The following FAM185A variants were observed in gnomAD, a reference collection of about 807,000 sequenced individuals.
FAM185A encodes the protein family with sequence similarity 185 member A.
Under a neutral mutation model 45.7 loss-of-function variants are expected in FAM185A, and 21 were observed. The observed-to-expected ratio is 0.46, with a 90% CI of 0.33 to 0.66. The LOEUF (loss-of-function observed/expected upper bound fraction) is 0.66. Among genes scored for constraint, FAM185A ranks in the 30% least tolerant of loss-of-function variants. The pLI, the probability that FAM185A is intolerant of heterozygous loss-of-function variation, is 0.03. For synonymous variants in FAM185A, 117 were observed against 194.0 expected (o/e 0.60, Z 3.30); for missense variants, 305 against 485.4 (o/e 0.63, Z 3.49).
intron 6 of FAM185A, among the ~76,000 whole-genome samples, chr7:102,778,926 A>G (rs1795238270): frequency 6.6e-6 from 1 of 152,206 alleles, no homozygotes; most frequent in South Asian, 2.1e-4. Context: ...CAGCCACTGG[A>G]GTCTCTTAGG....
chr7:102,840,325 A>G, the FAM185A span, among the ~76,000 whole-genome samples: 85 of 152,360 alleles, frequency 5.6e-4, no homozygotes, highest in Non-Finnish European at 1.0e-3. Flanking sequence ...TGGCAATCAG[A>G]TATTTTTCTT....
At chr7:102,849,726 T>C in the FAM185A span, among the ~76,000 whole-genome samples, 2 of 152,182 alleles carry the variant, frequency 1.3e-5, no homozygotes, top group Admixed American at 6.5e-5. Context: ...GACTTAATAA[T>C]TGGGCTGGAG....
chr7:102,788,135 T>G (rs1584338907), intron 7 of FAM185A, among the ~76,000 whole-genome samples: 2 of 152,242 alleles, frequency 1.3e-5, no homozygotes, highest in South Asian at 4.1e-4. Context: ...CGGCTAATTT[T>G]TTTTTGTATT....
the FAM185A span, among the ~76,000 whole-genome samples, chr7:102,829,788 T>C: frequency 3.3e-5 from 5 of 152,172 alleles, no homozygotes; most frequent in Non-Finnish European, 7.4e-5. Context: ...TGTGGACTTT[T>C]GGGAAACCTG....
At chr7:102,836,276 T>C in the FAM185A span, among the ~76,000 whole-genome samples, 2 of 152,292 alleles carry the variant, frequency 1.3e-5, no homozygotes, top group African/African-American at 4.8e-5. Flanking sequence ...GGCACAAAAA[T>C]TGGTCTAAGG....
the FAM185A span, chr7:102,822,471 T>C: frequency 1.7e-6 from 1 of 582,490 alleles, no homozygotes; most frequent in Non-Finnish European, 3.2e-6. Context: ...GAGAGAGCTC[T>C]AGTCTTTGTC....
rs1238282631 is a variant in FAM185A at position 102,784,952 on chromosome 7, A to G, written c.932-2383A>G. On this transcript the variant is annotated intron_variant, in intron 6 of 7. Transcript: ENST00000413034. ...GAAAACCCCATCGTCTCAGCCCAAA[A>G]TCTCCTTAAGCTGATAGGCAACTTC... Among the ~76,000 whole-genome samples the G allele has an allele frequency of 2.6e-5, 4 of 152,304 alleles. No homozygotes were observed. The East Asian group carries it at 7.7e-4, about 29-fold the overall frequency.
intron 7 of FAM185A, among the ~76,000 whole-genome samples, chr7:102,807,828 G>C (rs1797218711): frequency 6.6e-6 from 1 of 152,124 alleles, no homozygotes; most frequent in African/African-American, 2.4e-5. Flanking sequence ...GGAGGCCAAG[G>C]TGGGTGGATC....
At chr7:102,781,739 A>G (rs1372184618) in intron 6 of FAM185A, among the ~76,000 whole-genome samples, 1 of 152,356 alleles carries the variant, frequency 6.6e-6, no homozygotes, top group Admixed American at 6.5e-5. Flanking sequence ...GAAACTCTCA[A>G]AATCAGAGCA....
chr7:102,757,960 T>C lies in FAM185A; in HGVS notation c.654+14T>C. 1.3e-6 allele frequency: 2 copies of C among 1,496,056 alleles called. No individual in the cohort carries two copies. The highest frequency in any genetic ancestry group is 1.8e-6 in the Non-Finnish European group (2 of 1,122,080). The allele number at this position is 1,496,056 out of a possible 1,614,324, so 92.7% of individuals were successfully genotyped here. On this transcript the variant is annotated intron_variant, in intron 3 of 7. Transcript: ENST00000413034. Reference sequence around the variant, plus strand: ...TCAGATAAAAGTGTAAGATTGAAACTTTCTTTTTTTTTTTAGTAATTGCAA... The same window carrying C: ...TCAGATAAAAGTGTAAGATTGAAACCTTCTTTTTTTTTTTAGTAATTGCAA...
chr7:102,826,744 T>TAC, the FAM185A span, among the ~76,000 whole-genome samples: 1 of 95,716 alleles, frequency 1.0e-5, no homozygotes, highest in African/African-American at 5.1e-5. Flanking sequence ...TATATATATA[T>TAC]ATATATATAT....
In FAM185A at chr7:102,749,157, T is replaced by C. The variant is rs979099593; in HGVS notation, c.-51T>C. 2 of 1,550,250 alleles carry C rather than the reference T, an allele frequency of 1.3e-6. No individual in the cohort carries two copies. The highest frequency in any genetic ancestry group is 2.4e-5 in the South Asian group (2 of 83,960). On this transcript the variant is annotated 5_prime_UTR_variant, in exon 1 of 8. Transcript: ENST00000413034. ...GGCCAAGTCGATTGGCCGTGGCAAG[T>C]GACCCTCCCTGTGGCTGAAGTGTTC... is the stretch of plus-strand genomic sequence containing the variant.
At chr7:102,765,947 GAAT>G (rs60996941) in intron 4 of FAM185A, among the ~76,000 whole-genome samples, 2,475 of 152,010 alleles carry the variant, frequency 0.016, 3 homozygotes, top group African/African-American at 0.057. Flanking sequence ...GGTTTTATAT[GAAT>G]AATATTTTAT....
intron 3 of FAM185A, among the ~76,000 whole-genome samples, chr7:102,758,592 TA>T (rs954128772): frequency 1.3e-4 from 19 of 151,874 alleles, no homozygotes; most frequent in South Asian, 4.1e-4. Flanking sequence ...AATTGTCATT[TA>T]AAAAATGTGA....
the FAM185A span, among the ~76,000 whole-genome samples, chr7:102,840,787 T>C: frequency 3.3e-5 from 5 of 152,186 alleles, no homozygotes; most frequent in Non-Finnish European, 7.4e-5. Flanking sequence ...ACAAGTCATG[T>C]TACCTCAAGT....
chr7:102,842,405 T>C, the FAM185A span, among the ~76,000 whole-genome samples: 3 of 152,220 alleles, frequency 2.0e-5, no homozygotes, highest in African/African-American at 7.2e-5. Flanking sequence ...ATCTAATCCA[T>C]CTTTGGCATT....
intron 7 of FAM185A, among the ~76,000 whole-genome samples, chr7:102,799,318 G>A (rs1435736791): frequency 3.9e-5 from 6 of 152,064 alleles, no homozygotes; most frequent in African/African-American, 7.2e-5. Context: ...AAAAGCTTAC[G>A]GGAGGTCCTT....
intron 6 of FAM185A, among the ~76,000 whole-genome samples, chr7:102,785,957 G>C (rs1795764930): frequency 6.6e-6 from 1 of 151,988 alleles, no homozygotes; most frequent in South Asian, 2.1e-4. Context: ...TATCCAGAAG[G>C]TACAATGAAC....
the FAM185A span, among the ~76,000 whole-genome samples, chr7:102,837,693 G>A: frequency 1.2e-4 from 18 of 152,080 alleles, no homozygotes; most frequent in African/African-American, 4.1e-4. Context: ...ATATGTGCAT[G>A]CTACCATGCC....
Sources: allele counts gnomAD v4.1 joint callset (sites outside exome capture counted in the v4.1 genomes callset), GRCh38; gene constraint gnomAD v4.1.1; transcripts MANE v1.5; gene names NCBI Gene and HGNC (gene_info 2026-07-23, HGNC 2026-07-21).